The following GNAO1 variants were observed in gnomAD, a reference collection of about 807,000 sequenced individuals.
GNAO1 encodes G protein subunit alpha o1, also known as guanine nucleotide-binding protein G(o) subunit alpha.
For missense variants in GNAO1, 166 were observed against 478.7 expected (o/e 0.35, Z 6.10); for synonymous variants, 164 against 180.7 (o/e 0.91, Z 0.74).
chr16:56,194,586 C>G, intron 2 of GNAO1: 2 of 217,944 alleles, frequency 9.2e-6, no homozygotes, highest in Non-Finnish European at 1.9e-5. Flanking sequence ...AGGGAGTCGG[C>G]GGTGTTCGGA....
At chr16:56,244,722 G>A (rs1203094314) in intron 2 of GNAO1, among the ~76,000 whole-genome samples, 1 of 152,120 alleles carries the variant, frequency 6.6e-6, no homozygotes, top group African/African-American at 2.4e-5. Flanking sequence ...AGGGTTCCCT[G>A]TGGCAGGCCC....
chr16:56,211,583 C>T (rs2036388524), intron 2 of GNAO1, among the ~76,000 whole-genome samples: 1 of 152,186 alleles, frequency 6.6e-6, no homozygotes, highest in African/African-American at 2.4e-5. Context: ...CCCTGCCCTT[C>T]TACATAGTTC....
At chr16:56,287,040 C>T (rs572262858) in intron 3 of GNAO1, among the ~76,000 whole-genome samples, 148 of 152,284 alleles carry the variant, frequency 9.7e-4, no homozygotes, top group Non-Finnish European at 1.8e-3. Flanking sequence ...TGGCTGAGCT[C>T]GGCAGCAAGC....
chr16:56,337,769 G>A (rs1176416170), intron 6 of GNAO1, among the ~76,000 whole-genome samples: 4 of 152,228 alleles, frequency 2.6e-5, no homozygotes, highest in Non-Finnish European at 5.9e-5. Flanking sequence ...TGATTGCCCT[G>A]AGCCTGCAGG....
chr16:56,247,742 G>C (rs1402728728), intron 2 of GNAO1, among the ~76,000 whole-genome samples: 1 of 152,208 alleles, frequency 6.6e-6, no homozygotes, highest in South Asian at 2.1e-4. Context: ...GAATGTGGTT[G>C]ATGCTTAATA....
At chr16:56,327,731 G>GT (rs2037650182) in intron 3 of GNAO1, among the ~76,000 whole-genome samples, 1 of 152,118 alleles carries the variant, frequency 6.6e-6, no homozygotes, top group African/African-American at 2.4e-5. Flanking sequence ...TACTTTTTCT[G>GT]TAATTTCAAG....
At chr16:56,345,054 C>A (rs1028328151) in intron 6 of GNAO1, 9 of 985,090 alleles carry the variant, frequency 9.1e-6, no homozygotes, top group Non-Finnish European at 1.1e-5. Context: ...ACAAACACAC[C>A]CCCCTGTCCC....
chr16:56,345,090 C>T, intron 6 of GNAO1: 1 of 985,550 alleles, frequency 1.0e-6, no homozygotes, highest in African/African-American at 1.7e-5. Flanking sequence ...AGTCCTAGGA[C>T]TCCTTAGAGG....
chr16:56,317,631 T>A (rs1329275530), intron 3 of GNAO1, among the ~76,000 whole-genome samples: 1 of 151,930 alleles, frequency 6.6e-6, no homozygotes, highest in African/African-American at 2.4e-5. Context: ...CTGGGGTGGC[T>A]GATGGGTAGA....
chr16:56,344,230 G>T, intron 6 of GNAO1: 5 of 1,368,932 alleles, frequency 3.7e-6, no homozygotes, highest in South Asian at 3.3e-5. Flanking sequence ...TCGGGAAGCT[G>T]GGGGGACAGG....
At chr16:56,344,767 C>T (rs528110875) in intron 6 of GNAO1, 3 of 985,436 alleles carry the variant, frequency 3.0e-6, no homozygotes, top group Non-Finnish European at 3.6e-6. Context: ...TTCCAGTCAC[C>T]AGGAGCTCGG....
At chr16:56,265,053 C>T (rs1434340964) in intron 2 of GNAO1, among the ~76,000 whole-genome samples, 5 of 152,118 alleles carry the variant, frequency 3.3e-5, no homozygotes, top group Non-Finnish European at 7.4e-5. Context: ...CTATCTTGTC[C>T]CATCTAGGTT....
intron 3 of GNAO1, among the ~76,000 whole-genome samples, chr16:56,279,993 C>G (rs1353635941): frequency 6.6e-6 from 1 of 152,230 alleles, no homozygotes; most frequent in African/African-American, 2.4e-5. Context: ...AATGGAATGA[C>G]ATTTCTAACT....
chr16:56,293,323 C>T (rs1016191478), intron 3 of GNAO1, among the ~76,000 whole-genome samples: 3 of 152,192 alleles, frequency 2.0e-5, no homozygotes, highest in Non-Finnish European at 4.4e-5. Flanking sequence ...GTTTTCTGCT[C>T]CTCACTTGGG....
At chr16:56,261,612 T>C (rs1455940744) in intron 2 of GNAO1, among the ~76,000 whole-genome samples, 5 of 152,160 alleles carry the variant, frequency 3.3e-5, no homozygotes, top group Admixed American at 6.5e-5. Context: ...CCTCATGTTT[T>C]GGGGTTAGGT....
At chr16:56,267,880 A>G (rs1457002383) in intron 2 of GNAO1, among the ~76,000 whole-genome samples, 1 of 152,044 alleles carries the variant, frequency 6.6e-6, no homozygotes, top group Admixed American at 6.5e-5. Flanking sequence ...TGCTTACAGA[A>G]TATACCCCTG....
intron 2 of GNAO1, among the ~76,000 whole-genome samples, chr16:56,199,926 C>G (rs1006808400): frequency 1.3e-5 from 2 of 152,060 alleles, no homozygotes; most frequent in Non-Finnish European, 2.9e-5. Flanking sequence ...TGAATTTGGC[C>G]CCTTACTCTC....
intron 2 of GNAO1, among the ~76,000 whole-genome samples, chr16:56,251,812 C>T (rs558735591): frequency 2.6e-5 from 4 of 152,316 alleles, no homozygotes; most frequent in African/African-American, 7.2e-5. Context: ...GTCTCCCTCT[C>T]ACTCTGCACT....
At chr16:56,347,179 G>T in intron 6 of GNAO1, 1 of 985,384 alleles carries the variant, frequency 1.0e-6, no homozygotes, top group Non-Finnish European at 1.2e-6. Context: ...CAAGAAGTCT[G>T]GGGCACAGAG....
Sources: allele counts gnomAD v4.1 joint callset (sites outside exome capture counted in the v4.1 genomes callset), GRCh38; gene constraint gnomAD v4.1.1; transcripts MANE v1.5; gene names NCBI Gene and HGNC (gene_info 2026-07-23, HGNC 2026-07-21).